Variants in GALNT18 observed in about 807,000 individuals in gnomAD.
GALNT18 encodes the protein GalNAc-transferase 18.
A neutral mutation model predicts 69.5 loss-of-function variants in GALNT18; 44 were observed. That is an observed-to-expected ratio of 0.63 (90% confidence interval 0.50 to 0.81). GALNT18 has a LOEUF of 0.81. GALNT18 is among the 40% of genes least tolerant of loss of function. GALNT18 has a pLI of 0.00. For missense variants in GALNT18, 715 were observed against 810.0 expected (o/e 0.88, Z 1.42); for synonymous variants, 364 against 318.2 (o/e 1.14, Z -1.53).
Position 11,332,709 on chromosome 11 carries a change from G to A in GALNT18, c.1401C>T (p.Ile467=). ...VYPEMRMYSD[I]IAYGVLQNSL... ...AGCTCCTTACCACTCCATAGGCAAT[G>A]ATGTCGGAGTACATCCTCATCTCTG... Residue 467 remains isoleucine (I), a synonymous_variant, in exon 8 of 11, where the codon ATC becomes ATT. Transcript: ENST00000227756. This position sits in a 1 kb window ranked among gnomAD's most constrained non-coding sequence, Gnocchi z 4.3. 6.2e-7 allele frequency: 1 copy of A among 1,614,142 alleles called. No homozygotes were observed. The highest frequency in any genetic ancestry group is 8.5e-7 in the Non-Finnish European group (1 of 1,180,008).
Position 11,600,752 on chromosome 11 carries a change from A to C in GALNT18, c.235+20607T>G, listed in dbSNP as rs1242066971. ...TTTGGCTTCTTTCTTCTTTCATTCAAGTATTCCCATTAAACTTAACATTGC... is the reference window on the plus strand; with the variant it reads ...TTTGGCTTCTTTCTTCTTTCATTCACGTATTCCCATTAAACTTAACATTGC... On this transcript the variant is annotated intron_variant, in intron 1 of 10. Coordinates refer to ENST00000227756, the MANE Select transcript of GALNT18 (RefSeq NM_198516.3). This position sits in a 1 kb window ranked among gnomAD's most constrained non-coding sequence, Gnocchi z 4.8. 6.6e-6 allele frequency among the ~76,000 whole-genome samples: 1 copy of C among 152,114 alleles called. No individual in the cohort carries two copies. The highest frequency in any genetic ancestry group is 1.9e-4 in the East Asian group (1 of 5,180).
At chr11:11,452,872 A>C (rs1333269501) in intron 1 of GALNT18, among the ~76,000 whole-genome samples, 1 of 152,160 alleles carries the variant, frequency 6.6e-6, no homozygotes, top group Admixed American at 6.5e-5. Context: ...GAGGTGACTT[A>C]AGAGAAGCAC....
chr11:11,299,882 T>C (rs1412400891), intron 9 of GALNT18, among the ~76,000 whole-genome samples: 1 of 152,142 alleles, frequency 6.6e-6, no homozygotes, highest in African/African-American at 2.4e-5. Flanking sequence ...GAACTAAAAG[T>C]GGAACTACAA....
chr11:11,485,028 C>T (rs547952872), intron 1 of GALNT18, among the ~76,000 whole-genome samples: 2 of 152,318 alleles, frequency 1.3e-5, no homozygotes, highest in South Asian at 2.1e-4. Flanking sequence ...TCCAAGCCAT[C>T]GGTGACATGT....
chr11:11,308,939 C>T (rs1312625473), intron 9 of GALNT18, among the ~76,000 whole-genome samples: 1 of 151,992 alleles, frequency 6.6e-6, no homozygotes, highest in African/African-American at 2.4e-5. Context: ...ACTACTTTAC[C>T]TCTGAAGTCT....
intron 1 of GALNT18, among the ~76,000 whole-genome samples, chr11:11,485,217 C>T (rs1856618333): frequency 6.6e-6 from 1 of 152,204 alleles, no homozygotes; most frequent in Non-Finnish European, 1.5e-5. Context: ...TAATTCAATT[C>T]CATTCCGACC....
chr11:11,452,449 G>A (rs1855822961), intron 1 of GALNT18, among the ~76,000 whole-genome samples: 1 of 152,252 alleles, frequency 6.6e-6, no homozygotes, highest in South Asian at 2.1e-4. Context: ...CCCGCACAAA[G>A]CCCACAGCCC....
At chr11:11,292,184 T>C (rs1284116289) in intron 10 of GALNT18, among the ~76,000 whole-genome samples, 1 of 152,076 alleles carries the variant, frequency 6.6e-6, no homozygotes, top group African/African-American at 2.4e-5. Context: ...CACAACCCCA[T>C]GGGCTCCCTC....
intron 3 of GALNT18, among the ~76,000 whole-genome samples, chr11:11,405,748 G>A (rs1318852375): frequency 6.6e-6 from 1 of 152,260 alleles, no homozygotes; most frequent in Non-Finnish European, 1.5e-5. Context: ...TCAGATGGAA[G>A]AGAGCAAGTT....
chr11:11,429,567 AC>A, intron 3 of GALNT18, among the ~76,000 whole-genome samples: 1 of 152,242 alleles, frequency 6.6e-6, no homozygotes, highest in Admixed American at 6.5e-5. Flanking sequence ...ATTCACAGTC[AC>A]ACATGATGTG....
chr11:11,273,622 A>AG (rs1019310851), intron 10 of GALNT18, among the ~76,000 whole-genome samples: 29 of 152,240 alleles, frequency 1.9e-4, no homozygotes, highest in Non-Finnish European at 2.9e-5. Flanking sequence ...GCTACTATGG[A>AG]GAACAGTATG....
Position 11,339,895 on chromosome 11 carries a change from T to C in GALNT18, c.1278+924A>G, listed in dbSNP as rs933527137. Among the ~76,000 whole-genome samples, 3 of 152,186 alleles carry C rather than the reference T, an allele frequency of 2.0e-5. No individual in the cohort carries two copies. The highest frequency in any genetic ancestry group is 2.1e-4 in the South Asian group (1 of 4,828). On this transcript the variant is annotated intron_variant, in intron 7 of 10. Coordinates refer to ENST00000227756, the MANE Select transcript of GALNT18 (RefSeq NM_198516.3). The surrounding 1 kb of genome is among the most constrained non-coding windows in gnomAD (Gnocchi z 5.2). ...TAGAGTTTAGGTAACAGGGCTTTCA[T>C]ATGATCACTTTGAGCGAAGATCAAT...
intron 9 of GALNT18, among the ~76,000 whole-genome samples, chr11:11,311,840 C>A (rs914751421): frequency 6.6e-6 from 1 of 152,152 alleles, no homozygotes; most frequent in Non-Finnish European, 1.5e-5. Flanking sequence ...CAGTGATTAC[C>A]TGGTTGATTG....
intron 3 of GALNT18, among the ~76,000 whole-genome samples, chr11:11,425,932 G>T (rs1017287769): frequency 1.3e-5 from 2 of 152,264 alleles, no homozygotes; most frequent in African/African-American, 4.8e-5. Flanking sequence ...TGTAGAGGTT[G>T]AATCATGCAG....
Position 11,546,727 on chromosome 11 carries a change from G to A in GALNT18, c.235+74632C>T, listed in dbSNP as rs531980306. On this transcript the variant is annotated intron_variant, in intron 1 of 10. Coordinates refer to ENST00000227756, the MANE Select transcript of GALNT18 (RefSeq NM_198516.3). The surrounding 1 kb of genome is among the most constrained non-coding windows in gnomAD (Gnocchi z 5.8). ...TGGTATCTACTGCAGTAGATACCCC[G>A]AATGTTGATGATGTCTTCCAGGTTT... 9.9e-5 allele frequency among the ~76,000 whole-genome samples: 15 copies of A among 152,188 alleles called. No individual in the cohort carries two copies. The South Asian group carries it at 1.5e-3, about 15-fold the overall frequency.
intron 6 of GALNT18, among the ~76,000 whole-genome samples, chr11:11,349,910 G>T (rs1850368131): frequency 6.6e-6 from 1 of 152,070 alleles, no homozygotes; most frequent in South Asian, 2.1e-4. Flanking sequence ...CTTCCGAAGA[G>T]TCCTCTGTGT....
At position 11,432,823 on chromosome 11, in the gene GALNT18, C is replaced by T. The variant is rs1387709299; in HGVS notation, c.429-36G>A. On this transcript the variant is annotated intron_variant, in intron 2 of 10. Transcript: ENST00000227756. The surrounding 1 kb of genome is among the most constrained non-coding windows in gnomAD (Gnocchi z 5.8). ...CAGCCAAGCGCTTAGATTTGTGACT[C>T]AGCTGGAGTCATCTCAGGAGCTGAC... The T allele has an allele frequency of 1.3e-6, 2 of 1,597,244 alleles. No homozygotes were observed. Among genetic ancestry groups the T allele is most frequent in the Admixed American group, 1.7e-5 (1 of 59,404 alleles).
rs112991797 is a variant in GALNT18, at chr11:11,591,399, C to T, written c.235+29960G>A. 0.023 allele frequency among the ~76,000 whole-genome samples: 3,545 copies of T among 152,244 alleles called. 138 individuals are homozygous for T. The highest frequency in any genetic ancestry group is 0.08 in the African/African-American group (3,329 of 41,522). ...ATAAAGCATCTAACACGGTCCTTGG[C>T]TCATGGTTGACTTTACTGGATGAGC... On this transcript the variant is annotated intron_variant, in intron 1 of 10. Transcript: ENST00000227756. This position sits in a 1 kb window ranked among gnomAD's most constrained non-coding sequence, Gnocchi z 4.8.
rs11021903 is a variant in GALNT18, at chr11:11,530,159, C to T, written c.236-81223G>A. Among the ~76,000 whole-genome samples the T allele has an allele frequency of 5.8e-3, 878 of 152,242 alleles. 42 individuals are homozygous for T. The East Asian group carries it at 0.12, about 21-fold the overall frequency. On this transcript the variant is annotated intron_variant, in intron 1 of 10. Transcript: ENST00000227756. ...CCTCTAGTAAGGAGGCCAGGCCAGCCAGAGAGGAGGGAAGGCTGGAGCGAG... is the reference window on the plus strand; with the variant it reads ...CCTCTAGTAAGGAGGCCAGGCCAGCTAGAGAGGAGGGAAGGCTGGAGCGAG...
Sources: allele counts gnomAD v4.1 joint callset (sites outside exome capture counted in the v4.1 genomes callset), GRCh38; gene constraint gnomAD v4.1.1; non-coding constraint Gnocchi (gnomAD v3.1); transcripts MANE v1.5; gene names NCBI Gene and HGNC (gene_info 2026-07-23, HGNC 2026-07-21).